Variants in LCLAT1 observed in about 807,000 individuals in gnomAD.
The protein encoded by LCLAT1 is lysocardiolipin acyltransferase 1, also known as 1-AGP acyltransferase 8.
Under a neutral mutation model 30.7 loss-of-function variants are expected in LCLAT1, and 11 were observed. That is an observed-to-expected ratio of 0.36 (90% CI 0.23 to 0.59). LCLAT1 has a LOEUF of 0.59. Among genes scored for constraint, LCLAT1 ranks in the 20% least tolerant of loss-of-function variants. The pLI is 0.77. For missense variants in LCLAT1, 402 were observed against 458.6 expected, an observed-to-expected ratio of 0.88 and a Z score of 1.13; for synonymous variants, 155 against 151.3, an observed-to-expected ratio of 1.02 and a Z score of -0.18.
At chr2:30,590,660 A>AT (rs1182578945) in intron 5 of LCLAT1, among the ~76,000 whole-genome samples, 1 of 151,748 alleles carries the variant, frequency 6.6e-6, no homozygotes, top group Non-Finnish European at 1.5e-5. Context: ...AGATCATCTT[A>AT]TGTTTCACTG....
rs554823324 is a variant in LCLAT1 at position 30,604,101 on chromosome 2, C to T, written c.628+35925C>T. Among the ~76,000 whole-genome samples, 5 of 122,274 alleles carry T rather than the reference C, an allele frequency of 4.1e-5. No individual in the cohort carries two copies. The East Asian group carries it at 1.1e-3, about 28-fold the overall frequency. The allele number at this position is 122,274 out of a possible 152,430, so 80.2% of individuals were successfully genotyped here. A position where few individuals can be genotyped will look rare whatever the true frequency, so the allele number is the denominator to read the frequency against. ...ATGGAAGAACAGAGTAAGCACATGT[C>T]CCCAAGTGCCTTTAGATTAGGGCAC... On this transcript the variant is annotated intron_variant, in intron 5 of 5. Transcript: ENST00000379509.
At chr2:30,538,187 C>G (rs1296396025) in intron 3 of LCLAT1, among the ~76,000 whole-genome samples, 1 of 151,894 alleles carries the variant, frequency 6.6e-6, no homozygotes, top group African/African-American at 2.4e-5. Flanking sequence ...AAGAACAAAC[C>G]AAACTGAAAA....
chr2:30,541,146 A>G (rs957089015), intron 3 of LCLAT1, among the ~76,000 whole-genome samples: 4 of 152,098 alleles, frequency 2.6e-5, no homozygotes, highest in African/African-American at 9.7e-5. Context: ...TAGTGGAACT[A>G]CTGTTTTCAT....
At chr2:30,523,165 T>C (rs1200807134) in intron 1 of LCLAT1, among the ~76,000 whole-genome samples, 1 of 151,328 alleles carries the variant, frequency 6.6e-6, no homozygotes, top group Non-Finnish European at 1.5e-5. Context: ...AAAACGGTAG[T>C]TACAGGGTTT....
chr2:30,537,209 G>A (rs200788394), intron 3 of LCLAT1, among the ~76,000 whole-genome samples: 14 of 151,908 alleles, frequency 9.2e-5, no homozygotes, highest in East Asian at 1.9e-4. Context: ...GTGAAACCCC[G>A]TCTCTACTAA....
intron 4 of LCLAT1, among the ~76,000 whole-genome samples, chr2:30,563,252 G>A (rs888074538): frequency 6.6e-6 from 1 of 152,066 alleles, no homozygotes; most frequent in African/African-American, 2.4e-5. Flanking sequence ...GTCTTAAAAA[G>A]ACTGAAAACA....
intron 3 of LCLAT1, among the ~76,000 whole-genome samples, chr2:30,546,599 T>A (rs961981255): frequency 9.9e-5 from 15 of 152,216 alleles, no homozygotes; most frequent in Admixed American, 2.0e-4. Context: ...TTTGTGTAAA[T>A]AAATGTGCCA....
At chr2:30,514,724 A>C (rs970481571) in intron 1 of LCLAT1, among the ~76,000 whole-genome samples, 2 of 152,172 alleles carry the variant, frequency 1.3e-5, no homozygotes, top group Admixed American at 1.3e-4. Context: ...TTGGAGCTGC[A>C]TCACAGACCT....
intron 5 of LCLAT1, among the ~76,000 whole-genome samples, chr2:30,604,808 C>CTGTT (rs1246863247): frequency 6.6e-6 from 1 of 152,142 alleles, no homozygotes; most frequent in Non-Finnish European, 1.5e-5. Context: ...AAGCATCATA[C>CTGTT]TGTTTGTTTT....
At chr2:30,629,765 C>T (rs761349413) in intron 5 of LCLAT1, among the ~76,000 whole-genome samples, 18 of 152,130 alleles carry the variant, frequency 1.2e-4, no homozygotes, top group Non-Finnish European at 2.5e-4. Flanking sequence ...TCTATTTAAA[C>T]GTGATTTTTG....
intron 5 of LCLAT1, among the ~76,000 whole-genome samples, chr2:30,639,003 G>C (rs13414186): frequency 0.41 from 62,890 of 151,996 alleles, 13,959 homozygotes; most frequent in East Asian, 0.76. Context: ...GTCACTGCCC[G>C]CAGAGAGTAA....
intron 5 of LCLAT1, among the ~76,000 whole-genome samples, chr2:30,625,270 A>T (rs767940507): frequency 2.6e-5 from 4 of 152,204 alleles, no homozygotes; most frequent in Non-Finnish European, 4.4e-5. Flanking sequence ...ACAACACAAA[A>T]TACAAAAGAT....
chr2:30,562,079 G>A (rs1665252695), intron 3 of LCLAT1, 67 bp from the exon 4 acceptor site: 2 of 1,104,050 alleles, frequency 1.8e-6, no homozygotes, highest in East Asian at 2.6e-5. Context: ...CTGAAATATT[G>A]TATTCAATAA....
chr2:30,570,520 A>T (rs1032689789), intron 5 of LCLAT1, among the ~76,000 whole-genome samples: 2 of 152,174 alleles, frequency 1.3e-5, no homozygotes, highest in South Asian at 2.1e-4. Context: ...TATTTATCTC[A>T]TTGTGCAAAA....
chr2:30,631,687 G>A (rs892279996), intron 5 of LCLAT1, among the ~76,000 whole-genome samples: 1 of 152,158 alleles, frequency 6.6e-6, no homozygotes, highest in Non-Finnish European at 1.5e-5. Context: ...GCAAATTTCA[G>A]ATGTTTTCAC....
intron 4 of LCLAT1, among the ~76,000 whole-genome samples, chr2:30,566,185 C>T (rs1301006377): frequency 3.9e-5 from 6 of 152,016 alleles, no homozygotes; most frequent in African/African-American, 9.7e-5. Flanking sequence ...TCATTTTTAC[C>T]GTCCCACATT....
At chr2:30,538,413 CG>C (rs796337069) in intron 3 of LCLAT1, among the ~76,000 whole-genome samples, 8 of 152,144 alleles carry the variant, frequency 5.3e-5, no homozygotes, top group East Asian at 1.9e-4. Context: ...GAGGCCAAGG[CG>C]GGTGGATCAC....
At chr2:30,517,534 T>C (rs945402611) in intron 1 of LCLAT1, among the ~76,000 whole-genome samples, 2 of 152,210 alleles carry the variant, frequency 1.3e-5, no homozygotes, top group African/African-American at 4.8e-5. Context: ...TTAGAACTGG[T>C]AACCCAGTAC....
At chr2:30,638,003 A>C (rs966649911) in intron 5 of LCLAT1, among the ~76,000 whole-genome samples, 5 of 151,908 alleles carry the variant, frequency 3.3e-5, no homozygotes, top group African/African-American at 9.7e-5. Flanking sequence ...AATATACAGC[A>C]CTCCTGAAGG....
Sources: gnomAD v4.1 joint callset for allele counts (sites outside exome capture counted in the v4.1 genomes callset) on GRCh38, gnomAD v4.1.1 for gene constraint, MANE v1.5 for transcripts, NCBI Gene and HGNC (gene_info 2026-07-23, HGNC 2026-07-21) for gene names.